PATJ: variants seen among roughly 807,000 people sequenced by gnomAD.
The protein encoded by PATJ is PATJ crumbs cell polarity complex component.
A neutral mutation model predicts 224.9 loss-of-function variants in PATJ; 190 were observed. The ratio of observed to expected loss-of-function variants is 0.84; its 90% confidence interval spans 0.75 to 0.95. PATJ has a LOEUF of 0.95. Ranked by LOEUF, PATJ falls within the 40% of genes least tolerant of loss-of-function variation. The pLI, the probability that PATJ is intolerant of heterozygous loss-of-function variation, is 0.00. For missense variants in PATJ, 2,121 were observed against 2,270.3 expected, an observed-to-expected ratio of 0.93 and a Z score of 1.34; for synonymous variants, 769 against 820.3, an observed-to-expected ratio of 0.94 and a Z score of 1.07.
At chr1:62,109,735 C>T (rs1663564676) in intron 34 of PATJ, among the ~76,000 whole-genome samples, 2 of 152,102 alleles carry the variant, frequency 1.3e-5, no homozygotes. Context: ...TGCCTTGATA[C>T]TTATATGATT....
In PATJ at chr1:62,148,290, G is replaced by A. The variant is rs753966133; in HGVS notation, c.5278G>A (p.Ala1760Thr). 1.2e-6 allele frequency: 2 copies of A among 1,612,374 alleles called. No individual in the cohort carries two copies. The highest frequency in any genetic ancestry group is 1.1e-5 in the South Asian group (1 of 91,028). The change falls in exon 42 of 44, where the codon GCA becomes ACA. Residue 1760 changes from alanine to threonine, a missense_variant. Ala to Thr is a moderately conservative substitution (Grantham distance 58). Transcript: ENST00000642238. ...TTTTTCACTTTTTCCCCAGGTTGTA[G>A]CAGATACCAATATAAGCGCCATAGC... ...AYGRIILQVVADTNISAIAAQ... is the reference protein window; with the variant it reads ...AYGRIILQVVTDTNISAIAAQ...
intron 39 of PATJ, among the ~76,000 whole-genome samples, chr1:62,124,824 C>T (rs998634232): frequency 2.6e-5 from 4 of 152,234 alleles, no homozygotes; most frequent in African/African-American, 7.2e-5. Flanking sequence ...GACTAGGGCA[C>T]ACCCTGGCCT....
intron 7 of PATJ, among the ~76,000 whole-genome samples, chr1:61,777,832 C>A (rs751804236): frequency 6.6e-6 from 1 of 150,644 alleles, no homozygotes; most frequent in African/African-American, 2.4e-5. Flanking sequence ...CTCAGTCTCC[C>A]GAGTAGTTGG....
chr1:61,945,254 A>G (rs1678492571), intron 27 of PATJ, among the ~76,000 whole-genome samples: 1 of 152,228 alleles, frequency 6.6e-6, no homozygotes, highest in African/African-American at 2.4e-5. Flanking sequence ...AATGGGCTAA[A>G]TGCTCCAATT....
At chr1:61,936,579 A>AT (rs918305787) in intron 27 of PATJ, among the ~76,000 whole-genome samples, 3 of 151,388 alleles carry the variant, frequency 2.0e-5, no homozygotes, top group Non-Finnish European at 4.4e-5. Flanking sequence ...TTGTACTTCT[A>AT]TTTTTTTTGA....
chr1:62,103,675 A>C (rs994579020), intron 33 of PATJ, among the ~76,000 whole-genome samples: 3 of 151,836 alleles, frequency 2.0e-5, no homozygotes, highest in Admixed American at 6.6e-5. Context: ...AATCACTTGA[A>C]TCTGGGAGGT....
chr1:61,878,264 C>T (rs1667609514), intron 21 of PATJ, among the ~76,000 whole-genome samples: 1 of 152,024 alleles, frequency 6.6e-6, no homozygotes, highest in South Asian at 2.1e-4. Flanking sequence ...GGGAGGCAGA[C>T]ATCAGCAAAG....
At chr1:61,856,561 C>A (rs1167624495) in intron 18 of PATJ, among the ~76,000 whole-genome samples, 1 of 152,142 alleles carries the variant, frequency 6.6e-6, no homozygotes, top group Non-Finnish European at 1.5e-5. Context: ...GACTTCTAAG[C>A]TCTCAGCACA....
At position 62,031,543 on chromosome 1, in the gene PATJ, G is replaced by A. The variant is rs377130996; in HGVS notation, c.3960-6434G>A. ...AACCTTGCATGTATTTTTACCCCAAGGAAATTTATTAAATAATTTAAAAAG... is the reference window on the plus strand; with the variant it reads ...AACCTTGCATGTATTTTTACCCCAAAGAAATTTATTAAATAATTTAAAAAG... On this transcript the variant is annotated intron_variant, in intron 29 of 43. Coordinates refer to ENST00000642238, the MANE Select transcript of PATJ (RefSeq NM_001350145.3). Among the ~76,000 whole-genome samples, 3 of 152,198 alleles carry A rather than the reference G, an allele frequency of 2.0e-5. No individual in the cohort carries two copies. In the East Asian group the frequency reaches 5.8e-4, roughly 29 times the overall value.
chr1:62,066,369 G>C (rs898338935), intron 31 of PATJ, among the ~76,000 whole-genome samples: 1 of 151,634 alleles, frequency 6.6e-6, no homozygotes, highest in Non-Finnish European at 1.5e-5. Context: ...TGAAGGACAA[G>C]GTAACGTGCT....
chr1:62,113,540 G>A (rs981436943), intron 34 of PATJ, among the ~76,000 whole-genome samples: 3 of 152,156 alleles, frequency 2.0e-5, no homozygotes, highest in Admixed American at 6.5e-5. Context: ...GGAGGCTGAG[G>A]TTGAAGGATC....
chr1:62,031,439 A>T (rs954845306), intron 29 of PATJ, among the ~76,000 whole-genome samples: 2 of 152,236 alleles, frequency 1.3e-5, no homozygotes, highest in African/African-American at 4.8e-5. Context: ...AGGGATAGGT[A>T]ATATGTTAAT....
chr1:61,745,554 G>A (rs1436480019), intron 1 of PATJ, among the ~76,000 whole-genome samples: 1 of 151,422 alleles, frequency 6.6e-6, no homozygotes, highest in Non-Finnish European at 1.5e-5. Flanking sequence ...GATTACAGGC[G>A]TGAGTCACTG....
chr1:61,869,176 G>C (rs1449043442), intron 20 of PATJ, among the ~76,000 whole-genome samples: 1 of 141,034 alleles, frequency 7.1e-6, no homozygotes, highest in Non-Finnish European at 1.5e-5. Flanking sequence ...GCGCCATCTC[G>C]GCTCACTGCA....
Position 61,854,771 on chromosome 1 carries a change from A to G in PATJ, c.2113-1259A>G, listed in dbSNP as rs555424413. Among the ~76,000 whole-genome samples the G allele has an allele frequency of 7.2e-4, 109 of 152,386 alleles. 2 individuals carry two copies. Among genetic ancestry groups the G allele is most frequent in the Middle Eastern group, 3.4e-3 (1 of 294 alleles). ...AAGCCCAACATATAGTAAGTGCTAT[A>G]TATCAGTTGGTTAAATAAATTAAAA... On this transcript the variant is annotated intron_variant, in intron 17 of 43. Transcript: ENST00000642238.
At chr1:61,768,861 C>T (rs988796825) in intron 4 of PATJ, among the ~76,000 whole-genome samples, 5 of 152,140 alleles carry the variant, frequency 3.3e-5, no homozygotes, top group African/African-American at 1.2e-4. Context: ...GATCACGCCA[C>T]TGCACTCTAC....
intron 20 of PATJ, 107 bp from the exon 21 acceptor site, chr1:61,875,136 T>G: frequency 1.5e-6 from 1 of 646,222 alleles, no homozygotes. Flanking sequence ...GAATGCCTGT[T>G]TGCAAGGCCA....
At chr1:61,940,515 G>A (rs561515394) in intron 27 of PATJ, among the ~76,000 whole-genome samples, 1 of 152,176 alleles carries the variant, frequency 6.6e-6, no homozygotes, top group East Asian at 1.9e-4. Flanking sequence ...AAGAGATTGA[G>A]ACCATCCTGG....
chr1:61,826,386 T>C (rs920211979), intron 15 of PATJ, among the ~76,000 whole-genome samples: 4 of 148,322 alleles, frequency 2.7e-5, no homozygotes, highest in African/African-American at 9.9e-5. Context: ...TAGAAATTAA[T>C]GCCAGACTAG....
Sources: gnomAD v4.1 joint callset for allele counts (sites outside exome capture counted in the v4.1 genomes callset) on GRCh38, gnomAD v4.1.1 for gene constraint, MANE v1.5 for transcripts, NCBI Gene and HGNC (gene_info 2026-07-23, HGNC 2026-07-21) for gene names.